The following ABHD5 variants were observed in gnomAD, a reference collection of about 807,000 sequenced individuals.
The protein encoded by ABHD5 is abhydrolase domain containing 5, lysophosphatidic acid acyltransferase, also known as 1-acylglycerol-3-phosphate O-acyltransferase ABHD5.
Under a neutral mutation model 44.9 loss-of-function variants are expected in ABHD5, and 30 were observed. The observed-to-expected ratio is 0.67, with a 90% CI of 0.50 to 0.91. The LOEUF is 0.91. ABHD5 is among the 40% of genes least tolerant of loss of function. ABHD5 has a pLI of 0.00. For missense variants in ABHD5, 399 were observed against 423.4 expected (o/e 0.94, Z 0.50); for synonymous variants, 167 against 147.0 (o/e 1.14, Z -0.99).
chr3:43,717,094 C>T (rs1326645538), intron 5 of ABHD5, among the ~76,000 whole-genome samples: 1 of 151,970 alleles, frequency 6.6e-6, no homozygotes, highest in African/African-American at 2.4e-5. Context: ...TTGCTTGAAC[C>T]CGGGAGGCAG....
At chr3:43,723,465 T>G (rs983248212), downstream of ABHD5, among the ~76,000 whole-genome samples, 4 of 152,214 alleles carry the variant, frequency 2.6e-5, no homozygotes, top group Non-Finnish European at 5.9e-5. Flanking sequence ...TTTGGTGGCT[T>G]AGGTTCATAA....
intron 3 of ABHD5, among the ~76,000 whole-genome samples, chr3:43,709,114 T>C (rs2084656831): frequency 6.6e-6 from 1 of 152,210 alleles, no homozygotes; most frequent in Non-Finnish European, 1.5e-5. Context: ...ATATCCTTAA[T>C]AGACTAGGAC....
chr3:43,702,002 G>C (rs1248027587), intron 2 of ABHD5: 1 of 509,998 alleles, frequency 2.0e-6, no homozygotes, highest in African/African-American at 1.9e-5. Flanking sequence ...CTTGAGGTTT[G>C]TCTGAGGTAG....
Position 43,720,260 on chromosome 3 carries a change from C to G in ABHD5, c.*1728C>G, listed in dbSNP as rs901101532. 1 of 152,084 alleles carries G rather than the reference C, an allele frequency of 6.6e-6. No homozygotes were observed. The highest frequency in any genetic ancestry group is 2.4e-5 in the African/African-American group (1 of 41,392). 9.4% of individuals were successfully genotyped at this position (152,084 alleles called of 1,614,324 possible). A position where few individuals can be genotyped will look rare whatever the true frequency, so the allele number is the denominator to read the frequency against. ...TTTTTGTATTTTTGTTTTACACACT[C>G]TCTAATCTCAATTATCCTTTGCTGG... On this transcript the variant is annotated 3_prime_UTR_variant, in exon 7 of 7. Transcript: ENST00000644371.
chr3:43,707,611 T>C (rs1345426078), intron 3 of ABHD5: 1 of 152,180 alleles, frequency 6.6e-6, no homozygotes, highest in Non-Finnish European at 1.5e-5. Context: ...ATTTTGATTC[T>C]AGGTCTAATT....
At position 43,722,523 on chromosome 3, in the gene ABHD5, G is replaced by A. The variant is rs1224175962; in HGVS notation, c.*3991G>A. 6.6e-6 allele frequency: 1 copy of A among 152,090 alleles called. No individual in the cohort carries two copies. Among genetic ancestry groups the A allele is most frequent in the Non-Finnish European group, 1.5e-5 (1 of 68,012 alleles). 9.4% of individuals were successfully genotyped at this position (152,090 alleles called of 1,614,324 possible). A position where few individuals can be genotyped will look rare whatever the true frequency, so the allele number is the denominator to read the frequency against. ...GTATCTTACATACCTTTTATTTTGA[G>A]GCCCTGTCAATGTTTTATATAATAA... is the stretch of plus-strand genomic sequence containing the variant. On this transcript the variant is annotated 3_prime_UTR_variant, in exon 7 of 7. Transcript: ENST00000644371.
intron 3 of ABHD5, among the ~76,000 whole-genome samples, chr3:43,705,347 C>T (rs960571538): frequency 2.6e-5 from 4 of 152,120 alleles, no homozygotes; most frequent in Admixed American, 6.5e-5. Flanking sequence ...AGTTAGTCTA[C>T]ATCTTGAGTT....
downstream of ABHD5, among the ~76,000 whole-genome samples, chr3:43,724,341 G>A (rs975591066): frequency 6.6e-6 from 1 of 152,078 alleles, no homozygotes; most frequent in Non-Finnish European, 1.5e-5. Flanking sequence ...AGGGCAAATA[G>A]GAACTCTCAT....
At position 43,714,987 on chromosome 3, in the gene ABHD5, A is replaced by G. The variant is rs762645152; in HGVS notation, c.702A>G (p.Arg234=). Residue 234 remains arginine, a synonymous_variant, in exon 5 of 7, where the codon CGA becomes CGG. Coordinates refer to ENST00000644371, the MANE Select transcript of ABHD5 (RefSeq NM_016006.6). ...LVQRLRPDFK[R]KYSSMFEDDT... ...AGCGTTTAAGGCCTGATTTCAAACG[A>G]AAGTATTCTTCAATGTTCGAAGACG... 5.6e-6 allele frequency: 9 copies of G among 1,613,762 alleles called. No individual in the cohort carries two copies. Among genetic ancestry groups the G allele is most frequent in the Middle Eastern group, 1.7e-4 (1 of 6,060 alleles).
chr3:43,693,207 A>G (rs146611255), intron 1 of ABHD5, among the ~76,000 whole-genome samples: 3 of 152,370 alleles, frequency 2.0e-5, no homozygotes, highest in Non-Finnish European at 4.4e-5. Flanking sequence ...GGTGATTTGC[A>G]GTTGTGTGCT....
intron 3 of ABHD5, among the ~76,000 whole-genome samples, chr3:43,703,885 A>T (rs2084579996): frequency 6.6e-6 from 1 of 152,052 alleles, no homozygotes; most frequent in Admixed American, 6.5e-5. Flanking sequence ...CTTTATCTAA[A>T]CTTTAGCATT....
Position 43,702,530 on chromosome 3 carries a change from TTGGGC to T in ABHD5, c.450_454del (p.Gly151GlnfsTer19). The T allele has an allele frequency of 6.2e-7, 1 of 1,614,226 alleles. No homozygotes were observed. Among genetic ancestry groups the T allele is most frequent in the Non-Finnish European group, 8.5e-7 (1 of 1,180,034 alleles). On this transcript the variant is annotated frameshift_variant, in exon 3 of 7. Coordinates refer to ENST00000644371, the MANE Select transcript of ABHD5 (RefSeq NM_016006.6). LOFTEE classifies it high-confidence loss of function. ...CTAGGATTGGACAAAATGATCTTGCTTGGGCACAACCTAGGTGGATTCTTGGCTGC... is the reference window on the plus strand; with the variant it reads ...CTAGGATTGGACAAAATGATCTTGCTACAACCTAGGTGGATTCTTGGCTGC...
At chr3:43,695,941 GATTCTTAGT>G (rs1281909334) in intron 1 of ABHD5, among the ~76,000 whole-genome samples, 1 of 152,150 alleles carries the variant, frequency 6.6e-6, no homozygotes. Flanking sequence ...TCACTAAAAA[GATTCTTAGT>G]TTGCACTACA....
intron 3 of ABHD5, among the ~76,000 whole-genome samples, chr3:43,709,308 CAA>C (rs922977062): frequency 6.6e-6 from 1 of 151,926 alleles, no homozygotes; most frequent in African/African-American, 2.4e-5. Flanking sequence ...CAAAAAGAAA[CAA>C]AAAGATCATC....
At chr3:43,726,916 G>A (rs1485050146), downstream of ABHD5, among the ~76,000 whole-genome samples, 1 of 152,192 alleles carries the variant, frequency 6.6e-6, no homozygotes, top group African/African-American at 2.4e-5. Flanking sequence ...GGTTTATCGG[G>A]CAGTTCATTT....
intron 7 of ABHD5, among the ~76,000 whole-genome samples, chr3:43,728,559 A>G (rs1420835135): frequency 6.6e-6 from 1 of 152,182 alleles, no homozygotes; most frequent in East Asian, 1.9e-4. Flanking sequence ...AAATAATGAG[A>G]TGACACCAAT....
chr3:43,731,030 A>G (rs573448396), intron 7 of ABHD5, among the ~76,000 whole-genome samples: 1 of 151,278 alleles, frequency 6.6e-6, no homozygotes, highest in East Asian at 2.0e-4. Context: ...GGGTTTCACC[A>G]TGTTAGCCAC....
At chr3:43,732,983 C>T (rs866698335) in intron 7 of ABHD5, among the ~76,000 whole-genome samples, 11 of 152,188 alleles carry the variant, frequency 7.2e-5, no homozygotes, top group African/African-American at 2.2e-4. Context: ...TTTGTTTCCA[C>T]GTGAACCTCC....
At chr3:43,692,425 AT>A (rs2084406486) in intron 1 of ABHD5, among the ~76,000 whole-genome samples, 1 of 152,142 alleles carries the variant, frequency 6.6e-6, no homozygotes, top group African/African-American at 2.4e-5. Flanking sequence ...CAGGTGGACT[AT>A]TTGGTTTTGA....
Sources: allele counts gnomAD v4.1 joint callset (sites outside exome capture counted in the v4.1 genomes callset), GRCh38; gene constraint gnomAD v4.1.1; transcripts MANE v1.5; gene names NCBI Gene and HGNC (gene_info 2026-07-23, HGNC 2026-07-21).